The following RAB22A variants were observed in gnomAD, a reference collection of about 807,000 sequenced individuals.
RAB22A encodes RAB22A, member RAS oncogene family.
Under a neutral mutation model 30.2 loss-of-function variants are expected in RAB22A, and 13 were observed. That is an observed-to-expected ratio of 0.43 (90% confidence interval 0.28 to 0.68). The LOEUF (loss-of-function observed/expected upper bound fraction) is 0.68, where lower values mean the gene tolerates loss of function less well. Among genes scored for constraint, RAB22A ranks in the 30% least tolerant of loss-of-function variants. The pLI is 0.18. For missense variants in RAB22A, 177 were observed against 246.8 expected (o/e 0.72, Z 1.89); for synonymous variants, 89 against 87.2 (o/e 1.02, Z -0.11).
At chr20:58,310,505 G>A (rs1322787354) in intron 1 of RAB22A, among the ~76,000 whole-genome samples, 1 of 152,192 alleles carries the variant, frequency 6.6e-6, no homozygotes, top group Non-Finnish European at 1.5e-5. Context: ...TTCCTGTGGA[G>A]AAAAGGGGTG....
At chr20:58,311,449 C>T (rs1986224330) in intron 2 of RAB22A, among the ~76,000 whole-genome samples, 1 of 152,198 alleles carries the variant, frequency 6.6e-6, no homozygotes, top group African/African-American at 2.4e-5. Flanking sequence ...GATCCTGGTG[C>T]TATTCTTTCA....
chr20:58,351,795 A>G (rs934610644), intron 3 of RAB22A, among the ~76,000 whole-genome samples: 1 of 152,264 alleles, frequency 6.6e-6, no homozygotes, highest in African/African-American at 2.4e-5. Flanking sequence ...CCTAGACAAC[A>G]AGAGCGAAAC....
intron 2 of RAB22A, among the ~76,000 whole-genome samples, chr20:58,314,379 C>A (rs1479793837): frequency 6.6e-6 from 1 of 152,022 alleles, no homozygotes; most frequent in Non-Finnish European, 1.5e-5. Flanking sequence ...ATGATTTATT[C>A]AACCCTTTTC....
At chr20:58,320,135 C>A (rs1238043258) in intron 2 of RAB22A, among the ~76,000 whole-genome samples, 2 of 152,146 alleles carry the variant, frequency 1.3e-5, no homozygotes, top group African/African-American at 4.8e-5. Context: ...GTCTTCTCTT[C>A]TACTTTTTTG....
At chr20:58,344,718 A>G (rs1294869388) in intron 3 of RAB22A, among the ~76,000 whole-genome samples, 3 of 152,258 alleles carry the variant, frequency 2.0e-5, no homozygotes, top group Non-Finnish European at 4.4e-5. Context: ...TATCTAAGAC[A>G]CCATAGATAG....
In RAB22A at chr20:58,362,503, A is replaced by T. The variant is rs941330753; in HGVS notation, c.*2800A>T. On this transcript the variant is annotated 3_prime_UTR_variant, in exon 7 of 7. Transcript: ENST00000244040. ...ACTCTCAGGACTGAACAGAAGAGAA[A>T]AATTATTAATTAGCTGCTACTGTAT... The T allele has an allele frequency of 1.3e-5, 2 of 152,230 alleles. No homozygotes were observed. The highest frequency in any genetic ancestry group is 2.9e-5 in the Non-Finnish European group (2 of 68,042). 9.4% of individuals were successfully genotyped at this position (152,230 alleles called of 1,614,324 possible).
chr20:58,356,009 G>A (rs911079454), intron 6 of RAB22A, among the ~76,000 whole-genome samples: 5 of 152,078 alleles, frequency 3.3e-5, no homozygotes, highest in African/African-American at 1.2e-4. Context: ...CACTTTAGTG[G>A]TATTAAAAAC....
intron 2 of RAB22A, among the ~76,000 whole-genome samples, chr20:58,319,107 A>G (rs1178835960): frequency 2.0e-5 from 3 of 152,178 alleles, no homozygotes; most frequent in Non-Finnish European, 4.4e-5. Context: ...ACACACATAC[A>G]TGTCATTTGT....
At chr20:58,359,072 T>C (rs1276272438) in intron 6 of RAB22A, among the ~76,000 whole-genome samples, 1 of 152,108 alleles carries the variant, frequency 6.6e-6, no homozygotes, top group African/African-American at 2.4e-5. Flanking sequence ...GCCTGAGTGT[T>C]TGTGCATATA....
At chr20:58,323,953 T>C (rs1014961234) in intron 2 of RAB22A, among the ~76,000 whole-genome samples, 3 of 152,188 alleles carry the variant, frequency 2.0e-5, no homozygotes, top group Non-Finnish European at 4.4e-5. Flanking sequence ...GGACATGTTA[T>C]TTTTATTAAA....
In RAB22A at chr20:58,361,762, C is replaced by A. The variant is rs1002444777; in HGVS notation, c.*2059C>A. Reference sequence around the variant, plus strand: ...GCAAAGCATGTGCGACCCTTTCTGTCTTATTTTACCAAAAGATGGTGCAAA... The same window carrying A: ...GCAAAGCATGTGCGACCCTTTCTGTATTATTTTACCAAAAGATGGTGCAAA... On this transcript the variant is annotated 3_prime_UTR_variant, in exon 7 of 7. Coordinates refer to ENST00000244040, the MANE Select transcript of RAB22A (RefSeq NM_020673.3). The A allele has an allele frequency of 6.6e-6, 1 of 152,008 alleles. No homozygotes were observed. The highest frequency in any genetic ancestry group is 2.4e-5 in the African/African-American group (1 of 41,370). The allele number at this position is 152,008 out of a possible 1,614,324, so 9.4% of individuals were successfully genotyped here.
chr20:58,334,906 G>A (rs534533078), intron 2 of RAB22A, among the ~76,000 whole-genome samples: 14 of 152,040 alleles, frequency 9.2e-5, no homozygotes, highest in African/African-American at 7.2e-5. Flanking sequence ...TCTAATAAAA[G>A]TATAAATGGT....
chr20:58,353,085 A>G (rs1218578680), intron 3 of RAB22A, among the ~76,000 whole-genome samples, 188 bp from the exon 4 acceptor site: 1 of 152,218 alleles, frequency 6.6e-6, no homozygotes, highest in Non-Finnish European at 1.5e-5. Flanking sequence ...TCTGAGAGAC[A>G]TTTCAGTGTT....
Position 58,361,954 on chromosome 20 carries a change from G to T in RAB22A, c.*2251G>T, listed in dbSNP as rs779039984. 6.6e-6 allele frequency: 1 copy of T among 152,004 alleles called. No homozygotes were observed. The highest frequency in any genetic ancestry group is 1.5e-5 in the Non-Finnish European group (1 of 68,010). The allele number at this position is 152,004 out of a possible 1,614,324, so 9.4% of individuals were successfully genotyped here. A position where few individuals can be genotyped will look rare whatever the true frequency, so the allele number is the denominator to read the frequency against. ...TGTTTTACTGTACCGAGCCCAATGTGGGTCCATCTCATCAGCCCTTTGCTG... is the reference window on the plus strand; with the variant it reads ...TGTTTTACTGTACCGAGCCCAATGTTGGTCCATCTCATCAGCCCTTTGCTG... On this transcript the variant is annotated 3_prime_UTR_variant, in exon 7 of 7. Transcript: ENST00000244040.
Position 58,364,231 on chromosome 20 carries a change from A to G in RAB22A, c.*4528A>G, listed in dbSNP as rs1006143956. ...TAAATAGAACCAAGAATCTTCATCT[A>G]TCTCTGTTGGTCTTTCAGGATTCTC... is the stretch of plus-strand genomic sequence containing the variant. On this transcript the variant is annotated 3_prime_UTR_variant, in exon 7 of 7. Transcript: ENST00000244040. 1 of 152,392 alleles carries G rather than the reference A, an allele frequency of 6.6e-6. No individual in the cohort carries two copies. The highest frequency in any genetic ancestry group is 2.1e-4 in the South Asian group (1 of 4,832). 9.4% of individuals were successfully genotyped at this position (152,392 alleles called of 1,614,324 possible).
intron 2 of RAB22A, among the ~76,000 whole-genome samples, chr20:58,315,616 C>G (rs1429278317): frequency 2.0e-5 from 3 of 152,054 alleles, no homozygotes; most frequent in African/African-American, 7.2e-5. Context: ...TTCCGTGACT[C>G]CATACACAGA....
In RAB22A at chr20:58,354,274, C is replaced by A; in HGVS notation, c.487+9C>A. On this transcript the variant is annotated intron_variant, in intron 6 of 6. Transcript: ENST00000244040. ...ACTCTTTATAGAAATTAGTGAGTAT[C>A]TCTGTGCCTTATCCATTTCCTCTGT... is the stretch of plus-strand genomic sequence containing the variant. The A allele has an allele frequency of 1.3e-6, 2 of 1,576,958 alleles. No individual in the cohort carries two copies. The highest frequency in any genetic ancestry group is 1.1e-5 in the South Asian group (1 of 89,594).
intron 3 of RAB22A, among the ~76,000 whole-genome samples, chr20:58,352,712 A>G (rs553405743): frequency 6.6e-6 from 1 of 152,370 alleles, no homozygotes; most frequent in Admixed American, 6.5e-5. Flanking sequence ...GGTTAAATTG[A>G]TGTAAATGAA....
intron 5 of RAB22A, 148 bp downstream of exon 5, chr20:58,353,686 C>T (rs1191425420): frequency 1.4e-6 from 1 of 718,852 alleles, no homozygotes; most frequent in Non-Finnish European, 2.3e-6. Context: ...AATTTTTAAA[C>T]TAAAATTAAG....
Sources: allele counts gnomAD v4.1 joint callset (sites outside exome capture counted in the v4.1 genomes callset), GRCh38; gene constraint gnomAD v4.1.1; transcripts MANE v1.5; gene names NCBI Gene and HGNC (gene_info 2026-07-23, HGNC 2026-07-21).